The following TCFL5 variants were observed in gnomAD, a reference collection of about 807,000 sequenced individuals.
The protein encoded by TCFL5 is transcription factor-like 5 protein.
A neutral mutation model predicts 44.3 loss-of-function variants in TCFL5; 9 were observed. The observed-to-expected ratio is 0.20, with a 90% CI of 0.12 to 0.35. The LOEUF (loss-of-function observed/expected upper bound fraction) is 0.35, where lower values mean the gene tolerates loss of function less well. TCFL5 is among the 10% of genes least tolerant of loss of function. The pLI is 1.00. For synonymous variants in TCFL5, 319 were observed against 271.6 expected (o/e 1.17, Z -1.72); for missense variants, 603 against 613.4 (o/e 0.98, Z 0.18).
At chr20:62,852,592 C>T (rs1696657865) in intron 5 of TCFL5, 1 of 984,688 alleles carries the variant, frequency 1.0e-6, no homozygotes, top group Non-Finnish European at 1.2e-6. Context: ...TGAGGGACTG[C>T]ATATGCTGGC....
Position 62,842,296 on chromosome 20 carries a change from TAGC to T in TCFL5, c.1381-202_1381-200del, listed in dbSNP as rs911266250. 4.6e-5 allele frequency among the ~76,000 whole-genome samples: 7 copies of T among 152,070 alleles called. No homozygotes were observed. Among genetic ancestry groups the T allele is most frequent in the Non-Finnish European group, 7.4e-5 (5 of 68,024 alleles). On this transcript the variant is annotated intron_variant, in intron 5 of 5. Transcript: ENST00000335351. The surrounding 1 kb of genome is among the most constrained non-coding windows in gnomAD (Gnocchi z 4.3). Reference sequence around the variant, plus strand: ...AGATTTTAACTTTTTTTTTTTCAAATAGCAGTTACACTGTACATGTACTTTTGT... The same window carrying T: ...AGATTTTAACTTTTTTTTTTTCAAATAGTTACACTGTACATGTACTTTTGT...
chr20:62,860,560 G>C (rs6062717), intron 1 of TCFL5, among the ~76,000 whole-genome samples: 41,480 of 152,186 alleles, frequency 0.27, 5,821 homozygotes, highest in Middle Eastern at 0.32. Flanking sequence ...ATCCTCCAGT[G>C]TGACCACGAT....
At chr20:62,845,789 G>C (rs748840907) in intron 5 of TCFL5, 41 of 1,605,016 alleles carry the variant, frequency 2.6e-5, no homozygotes, top group Non-Finnish European at 3.4e-6. Context: ...TGGAGAATGG[G>C]GAAGGTGTGG....
intron 5 of TCFL5, among the ~76,000 whole-genome samples, chr20:62,847,767 T>C (rs935491578): frequency 6.6e-5 from 10 of 152,132 alleles, no homozygotes; most frequent in African/African-American, 2.4e-4. Context: ...CCCAGCACTG[T>C]GGGAGGCCGA....
rs116558078 is a variant in TCFL5 at position 62,852,499 on chromosome 20, C to T, written c.1380+1517G>A. The T allele has an allele frequency of 2.8e-3, 2,767 of 985,484 alleles. 49 individuals are homozygous for T. The African/African-American group carries it at 0.045, about 16-fold the overall frequency. 61.0% of individuals were successfully genotyped at this position (985,484 alleles called of 1,614,324 possible). A position where few individuals can be genotyped will look rare whatever the true frequency, so the allele number is the denominator to read the frequency against. Reference sequence around the variant, plus strand: ...ACTGAACTCCTGCATTCAAATCACACGTCTAGTTCCAGCCAACCACGATGG... The same window carrying T: ...ACTGAACTCCTGCATTCAAATCACATGTCTAGTTCCAGCCAACCACGATGG... On this transcript the variant is annotated intron_variant, in intron 5 of 5. Transcript: ENST00000335351.
At chr20:62,852,766 C>T in intron 5 of TCFL5, 1 of 1,287,980 alleles carries the variant, frequency 7.8e-7, no homozygotes, top group Non-Finnish European at 1.0e-6. Context: ...GAAGTATATT[C>T]ACCCATTCCA....
intron 5 of TCFL5, among the ~76,000 whole-genome samples, chr20:62,844,582 GTTTT>G (rs745684819): frequency 8.3e-6 from 1 of 120,562 alleles, no homozygotes; most frequent in Non-Finnish European, 1.7e-5. Flanking sequence ...TTTGTTTTTT[GTTTT>G]TTTTTTTTTG....
intron 5 of TCFL5, chr20:62,851,695 G>T (rs1173785406): frequency 3.0e-6 from 3 of 985,292 alleles, no homozygotes; most frequent in Non-Finnish European, 3.6e-6. Context: ...AATGTCATGT[G>T]GACACAGAAA....
chr20:62,850,512 C>T (rs1397928864), intron 5 of TCFL5, among the ~76,000 whole-genome samples: 1 of 152,170 alleles, frequency 6.6e-6, no homozygotes, highest in Non-Finnish European at 1.5e-5. Context: ...CACAAGAAGC[C>T]TTGTGCCTTT....
At chr20:62,859,739 G>C (rs76770246) in intron 2 of TCFL5, among the ~76,000 whole-genome samples, 1 of 134,056 alleles carries the variant, frequency 7.5e-6, no homozygotes, top group African/African-American at 3.1e-5. Flanking sequence ...TTTTTTTTTT[G>C]AGACAGGCTC....
chr20:62,854,392 G>T (rs745484273), intron 4 of TCFL5, among the ~76,000 whole-genome samples: 9 of 152,198 alleles, frequency 5.9e-5, no homozygotes, highest in Non-Finnish European at 1.2e-4. Flanking sequence ...GCGGCCCCAT[G>T]ACCCACAAGC....
intron 5 of TCFL5, among the ~76,000 whole-genome samples, chr20:62,847,898 G>C (rs2063763654): frequency 6.6e-6 from 1 of 152,216 alleles, no homozygotes; most frequent in African/African-American, 2.4e-5. Flanking sequence ...CGGCATGGGA[G>C]GCCATGATCA....
intron 5 of TCFL5, among the ~76,000 whole-genome samples, chr20:62,853,123 G>A (rs1187319388): frequency 6.8e-6 from 1 of 147,238 alleles, no homozygotes; most frequent in African/African-American, 2.6e-5. Context: ...CCGGTCCACA[G>A]AAGTACAGTC....
chr20:62,848,162 C>T (rs1253458601), intron 5 of TCFL5, among the ~76,000 whole-genome samples: 3 of 152,196 alleles, frequency 2.0e-5, no homozygotes, highest in Non-Finnish European at 4.4e-5. Flanking sequence ...ACAGCGACAC[C>T]GGGGCCTGAT....
intron 5 of TCFL5, among the ~76,000 whole-genome samples, chr20:62,849,922 T>C (rs2063786681): frequency 6.6e-6 from 1 of 151,882 alleles, no homozygotes; most frequent in Non-Finnish European, 1.5e-5. Context: ...GTTACTGCAC[T>C]CCAGCCTGGG....
At chr20:62,858,374 C>G (rs1010021897) in intron 3 of TCFL5, among the ~76,000 whole-genome samples, 1 of 152,254 alleles carries the variant, frequency 6.6e-6, no homozygotes, top group Admixed American at 6.5e-5. Context: ...GAGAGGAATT[C>G]GGTCGTTTTG....
rs1364834154 is a variant in TCFL5 at position 62,852,011 on chromosome 20, G to A, written c.1380+2005C>T. 26 of 927,640 alleles carry A rather than the reference G, an allele frequency of 2.8e-5. No homozygotes were observed. The South Asian group carries it at 1.2e-3, about 42-fold the overall frequency. The allele number at this position is 927,640 out of a possible 1,614,324, so 57.5% of individuals were successfully genotyped here. On this transcript the variant is annotated intron_variant, in intron 5 of 5. Transcript: ENST00000335351. ...ATAGAGACGGGGGTCTCATCATGTTGGCCAAGCTGGTCTCGAACTCCTGGC... is the reference window on the plus strand; with the variant it reads ...ATAGAGACGGGGGTCTCATCATGTTAGCCAAGCTGGTCTCGAACTCCTGGC...
chr20:62,846,261 G>A (rs1453654681), intron 5 of TCFL5: 2 of 492,914 alleles, frequency 4.1e-6, no homozygotes, highest in African/African-American at 2.0e-5. Context: ...CAGTGATGAG[G>A]CTAGTCCCGG....
In TCFL5 at chr20:62,841,891, G is replaced by T; in HGVS notation, c.*84C>A. On this transcript the variant is annotated 3_prime_UTR_variant, in exon 6 of 6. Transcript: ENST00000335351. ...ACGCCCTTTTCGAGTCAGACTAGCC[G>T]AGCAGAGCTCCAGGGTTGCAGAAGG... 3 of 1,562,052 alleles carry T rather than the reference G, an allele frequency of 1.9e-6. No individual in the cohort carries two copies. Among genetic ancestry groups the T allele is most frequent in the South Asian group, 1.2e-5 (1 of 84,844 alleles).
Sources: allele counts gnomAD v4.1 joint callset (sites outside exome capture counted in the v4.1 genomes callset), GRCh38; gene constraint gnomAD v4.1.1; non-coding constraint Gnocchi (gnomAD v3.1); transcripts MANE v1.5; gene names NCBI Gene and HGNC (gene_info 2026-07-23, HGNC 2026-07-21).